Variants in CBR3 observed in about 807,000 individuals in gnomAD.
CBR3 encodes the protein carbonyl reductase [NADPH] 3.
CBR3 carries 14 observed loss-of-function variants against 11.6 expected under a neutral mutation model. That is an observed-to-expected ratio of 1.20 (90% CI 0.79 to 1.88). The LOEUF is 1.88. Ranked by LOEUF, CBR3 falls within the 40% of genes most tolerant of loss-of-function variation. CBR3 has a pLI of 0.00. For synonymous variants in CBR3, 125 were observed against 145.6 expected (o/e 0.86, Z 1.02); for missense variants, 308 against 357.3 (o/e 0.86, Z 1.11).
chr21:36,145,699 C>G (rs1601356831), intron 2 of CBR3, among the ~76,000 whole-genome samples: 2 of 152,248 alleles, frequency 1.3e-5, no homozygotes, highest in Middle Eastern at 6.8e-3. Context: ...GTGGCTCACA[C>G]CTGTAATCTC....
At chr21:36,141,451 T>C (rs1341237432) in intron 2 of CBR3, 2 of 152,170 alleles carry the variant, frequency 1.3e-5, no homozygotes, top group Non-Finnish European at 2.9e-5. Context: ...GAAAGTGAAA[T>C]GCAGAATGGT....
chr21:36,137,499 AAAGAAAGGAAGGAAGGAAGGAAGGAAGG>A lies in CBR3; in HGVS notation c.290-322_290-295del, dbSNP rs1260821078. On this transcript the variant is annotated intron_variant, in intron 1 of 2. Coordinates refer to ENST00000290354, the MANE Select transcript of CBR3 (RefSeq NM_001236.4). ...GAGAAAGAAAGAAAGAAAAGAAAAG[AAAGAAAGGAAGGAAGGAAGGAAGGAAGG>A]AAGGAAGGAAGGAAGGAAGGAAGGA... 467 of 182,444 alleles carry A rather than the reference AAAGAAAGGAAGGAAGGAAGGAAGGAAGG, an allele frequency of 2.6e-3. 1 individual carries two copies. Among genetic ancestry groups the A allele is most frequent in the Middle Eastern group, 0.015 (7 of 454 alleles). 11.3% of individuals were successfully genotyped at this position (182,444 alleles called of 1,614,324 possible).
chr21:36,135,295 C>T lies in CBR3; in HGVS notation c.103C>T (p.Leu35Phe), dbSNP rs757528534. ...LCRQFSGDVVLTARDVARGQA... is the reference protein window; with the variant it reads ...LCRQFSGDVVFTARDVARGQA... ...CCGACAGTTCTCTGGGGATGTGGTGCTCACCGCGCGGGACGTGGCGCGGGG... is the reference window on the plus strand; with the variant it reads ...CCGACAGTTCTCTGGGGATGTGGTGTTCACCGCGCGGGACGTGGCGCGGGG... Residue 35 changes from leucine to phenylalanine, a missense_variant, in exon 1 of 3, where the codon CTC (leucine) becomes TTC (phenylalanine). Physicochemically the swap from Leu to Phe is conservative, Grantham distance 22 (BLOSUM62 0). Coordinates refer to ENST00000290354, the MANE Select transcript of CBR3 (RefSeq NM_001236.4). 2 of 1,609,526 alleles carry T rather than the reference C, an allele frequency of 1.2e-6. No homozygotes were observed. The highest frequency in any genetic ancestry group is 4.5e-5 in the East Asian group (2 of 44,742).
At chr21:36,136,943 G>T (rs925738848) in intron 1 of CBR3, among the ~76,000 whole-genome samples, 2 of 146,108 alleles carry the variant, frequency 1.4e-5, no homozygotes, top group African/African-American at 5.1e-5. Flanking sequence ...CACAAGAACC[G>T]CTTGAACCCA....
intron 1 of CBR3, 100 bp downstream of exon 1, chr21:36,135,581 G>A: frequency 8.4e-7 from 1 of 1,183,804 alleles, no homozygotes; most frequent in Non-Finnish European, 1.2e-6. Flanking sequence ...GACCGAGGAG[G>A]GTGGCGCCGA....
intron 2 of CBR3, chr21:36,141,843 G>A (rs1170262605): frequency 2.6e-6 from 2 of 781,938 alleles, no homozygotes; most frequent in Non-Finnish European, 3.1e-6. Flanking sequence ...CCCCTTAAGA[G>A]GATTTATTTC....
At chr21:36,136,702 T>C (rs1261438647) in intron 1 of CBR3, among the ~76,000 whole-genome samples, 2 of 151,996 alleles carry the variant, frequency 1.3e-5, no homozygotes, top group African/African-American at 4.8e-5. Context: ...CAAGGCAGAA[T>C]CTCCCGCCTT....
intron 2 of CBR3, among the ~76,000 whole-genome samples, 174 bp from the exon 3 acceptor site, chr21:36,145,902 A>C (rs1457828045): frequency 1.4e-5 from 2 of 143,364 alleles, no homozygotes; most frequent in Non-Finnish European, 3.0e-5. Context: ...TGGAGTTTGC[A>C]GTGGGCCGAG....
Position 36,146,305 on chromosome 21 carries a change from C to T in CBR3, c.627C>T (p.Ala209=), listed in dbSNP as rs1349162012. 6.2e-7 allele frequency: 1 copy of T among 1,614,038 alleles called. No homozygotes were observed. The highest frequency in any genetic ancestry group is 1.7e-5 in the Admixed American group (1 of 59,994). ...LGVTVLSRIL[A]RRLDEKRKAD... ...TCACGGTCTTATCGAGGATCCTGGCCAGGCGTCTGGATGAGAAGAGGAAAG... is the reference window on the plus strand; with the variant it reads ...TCACGGTCTTATCGAGGATCCTGGCTAGGCGTCTGGATGAGAAGAGGAAAG... The change falls in exon 3 of 3, where the codon GCC becomes GCT. Residue 209 remains alanine (A), a synonymous_variant. Coordinates refer to ENST00000290354, the MANE Select transcript of CBR3 (RefSeq NM_001236.4).
chr21:36,141,961 A>G (rs1445022973), intron 2 of CBR3: 9 of 976,380 alleles, frequency 9.2e-6, no homozygotes, highest in Non-Finnish European at 9.7e-6. Context: ...TTAGAAAGCA[A>G]TGAAGAACAC....
At chr21:36,141,752 CGCATCTGGCTGACGAGGCTGACTGTCA>C in intron 2 of CBR3, 1 of 172,594 alleles carries the variant, frequency 5.8e-6, no homozygotes, top group Non-Finnish European at 1.2e-5. Flanking sequence ...GGGCTGATGA[CGCATCTGGCTGACGAGGCTGACTGTCA>C]GCCTCTGGCC....
At chr21:36,142,168 C>T (rs908180390) in intron 2 of CBR3, among the ~76,000 whole-genome samples, 1 of 152,102 alleles carries the variant, frequency 6.6e-6, no homozygotes, top group Non-Finnish European at 1.5e-5. Context: ...TGCGGTGACT[C>T]ACGCCTGTAA....
chr21:36,140,530 T>C (rs2065700338), intron 2 of CBR3, among the ~76,000 whole-genome samples: 1 of 151,948 alleles, frequency 6.6e-6, no homozygotes, highest in South Asian at 2.1e-4. Flanking sequence ...TTGGGAAGTT[T>C]TCTCCCGATA....
At chr21:36,135,678 A>G (rs1395982429) in intron 1 of CBR3, 197 bp downstream of exon 1, 2 of 556,410 alleles carry the variant, frequency 3.6e-6, no homozygotes, top group South Asian at 2.9e-5. Flanking sequence ...CCCGGGCGAC[A>G]AACAGCGCGC....
intron 2 of CBR3, 90 bp from the exon 3 acceptor site, chr21:36,145,986 C>G (rs1167418526): frequency 2.3e-5 from 18 of 769,496 alleles, no homozygotes; most frequent in Non-Finnish European, 3.7e-5. Context: ...AAAAAACCTG[C>G]ACCAAGACTC....
intron 2 of CBR3, among the ~76,000 whole-genome samples, chr21:36,140,346 C>T (rs2065699195): frequency 6.6e-6 from 1 of 151,952 alleles, no homozygotes; most frequent in Admixed American, 6.6e-5. Context: ...AATATAAACG[C>T]ACATTTTAAA....
intron 1 of CBR3, among the ~76,000 whole-genome samples, chr21:36,135,862 C>T (rs2065656358): frequency 6.6e-6 from 1 of 152,254 alleles, no homozygotes. Flanking sequence ...GGTCTCCGCT[C>T]GCTTTGGGCT....
intron 2 of CBR3, among the ~76,000 whole-genome samples, chr21:36,143,023 G>A (rs950074873): frequency 1.3e-5 from 2 of 152,188 alleles, no homozygotes; most frequent in African/African-American, 4.8e-5. Flanking sequence ...CTACAGATCC[G>A]GCCAGGTGCG....
Position 36,146,429 on chromosome 21 carries a change from CCT to C in CBR3, c.752_753del (p.Pro251ArgfsTer12), listed in dbSNP as rs1358881160. 2 of 1,614,192 alleles carry C rather than the reference CCT, an allele frequency of 1.2e-6. No individual in the cohort carries two copies. The highest frequency in any genetic ancestry group is 2.7e-5 in the African/African-American group (2 of 75,048). ...GACTGTGGAGGAGGGGGCTGAGACC[CCT>C]GTCTACTTGGCCCTCTTGCCTCCAG... ...IRTVEEGAET[P>X]VYLALLPPDA... On this transcript the variant is annotated frameshift_variant, in exon 3 of 3. Coordinates refer to ENST00000290354, the MANE Select transcript of CBR3 (RefSeq NM_001236.4). LOFTEE classifies it high-confidence loss of function.
Sources: gnomAD v4.1 joint callset for allele counts (sites outside exome capture counted in the v4.1 genomes callset) on GRCh38, gnomAD v4.1.1 for gene constraint, MANE v1.5 for transcripts, NCBI Gene and HGNC (gene_info 2026-07-23, HGNC 2026-07-21) for gene names.